MTA1: variants seen among roughly 807,000 people sequenced by gnomAD.
MTA1 encodes the protein metastasis associated 1, also known as metastasis-associated protein MTA1.
Under a neutral mutation model 97.0 loss-of-function variants are expected in MTA1, and 15 were observed. The ratio of observed to expected loss-of-function variants is 0.15; its 90% CI spans 0.10 to 0.24. The LOEUF (loss-of-function observed/expected upper bound fraction) is 0.24. Ranked by LOEUF, MTA1 falls within the 10% of genes least tolerant of loss-of-function variation. MTA1 has a pLI of 1.00. For missense variants in MTA1, 709 were observed against 1,015.1 expected (o/e 0.70, Z 4.10); for synonymous variants, 435 against 417.5 (o/e 1.04, Z -0.51).
rs782473741 is a variant in MTA1, at chr14:105,468,208, C to T, written c.1814-1259C>T. 75 of 980,442 alleles carry T rather than the reference C, an allele frequency of 7.6e-5. No homozygotes were observed. The East Asian group carries it at 9.2e-4, about 12-fold the overall frequency. 60.7% of individuals were successfully genotyped at this position (980,442 alleles called of 1,614,324 possible). On this transcript the variant is annotated intron_variant, in intron 18 of 20. Coordinates refer to ENST00000331320, the MANE Select transcript of MTA1 (RefSeq NM_004689.4). The stretch of plus-strand genomic sequence containing the variant: ...GCCTGCCCACAGCACGGGGCCCCAG[C>T]GCTCTAACCCGGCCATTTGCCCGTG...
At chr14:105,443,817 G>A (rs897936272) in intron 2 of MTA1, among the ~76,000 whole-genome samples, 32 of 152,216 alleles carry the variant, frequency 2.1e-4, no homozygotes, top group Non-Finnish European at 4.1e-4. Flanking sequence ...TTGGCTGGGT[G>A]CGGTGGCTCA....
rs181286274 is a variant in MTA1 at position 105,424,322 on chromosome 14, T to C, written c.28+4259T>C. Among the ~76,000 whole-genome samples, 555 of 151,742 alleles carry C rather than the reference T, an allele frequency of 3.7e-3. 7 individuals are homozygous for C. Among genetic ancestry groups the C allele is most frequent in the African/African-American group, 0.013 (527 of 41,382 alleles). ...CATTCTCCTGCCTCAGCCTCCCAAG[T>C]AGCTGGGACTACAGGCGCCCGCCAC... is the stretch of plus-strand genomic sequence containing the variant. On this transcript the variant is annotated intron_variant, in intron 1 of 20. Coordinates refer to ENST00000331320, the MANE Select transcript of MTA1 (RefSeq NM_004689.4). The surrounding 1 kb of genome is among the most constrained non-coding windows in gnomAD (Gnocchi z 4.0).
In MTA1 at chr14:105,424,537, C is replaced by A. The variant is rs1215826148; in HGVS notation, c.28+4474C>A. Among the ~76,000 whole-genome samples, 1 of 150,162 alleles carries A rather than the reference C, an allele frequency of 6.7e-6. No homozygotes were observed. Among genetic ancestry groups the A allele is most frequent in the Non-Finnish European group, 1.5e-5 (1 of 67,684 alleles). Reference sequence around the variant, plus strand: ...TTTTGAGACAGTCTCACTCTGTCACCCAGGCTGGAGTGCAGTGGCACAATC... The same window carrying A: ...TTTTGAGACAGTCTCACTCTGTCACACAGGCTGGAGTGCAGTGGCACAATC... On this transcript the variant is annotated intron_variant, in intron 1 of 20. Transcript: ENST00000331320. This position sits in a 1 kb window ranked among gnomAD's most constrained non-coding sequence, Gnocchi z 4.0.
At chr14:105,437,963 G>A (rs908303194) in intron 1 of MTA1, among the ~76,000 whole-genome samples, 5 of 152,256 alleles carry the variant, frequency 3.3e-5, no homozygotes, top group Non-Finnish European at 7.3e-5. Flanking sequence ...AGGCTGGAGG[G>A]CCAGATGGTT....
chr14:105,466,952 C>G (rs1230487403), intron 18 of MTA1: 1 of 592,308 alleles, frequency 1.7e-6, no homozygotes, highest in Non-Finnish European at 3.0e-6. Flanking sequence ...CCCTCGGCCC[C>G]CTGGCCCCGC....
intron 8 of MTA1, 48 bp downstream of exon 8, chr14:105,458,420 T>A: frequency 6.5e-7 from 1 of 1,537,298 alleles, no homozygotes; most frequent in Non-Finnish European, 9.0e-7. Context: ...GCCTGGAGCT[T>A]CTGTTCTCCC....
At chr14:105,457,585 C>T (rs919974611) in intron 7 of MTA1, among the ~76,000 whole-genome samples, 12 of 152,266 alleles carry the variant, frequency 7.9e-5, no homozygotes, top group Non-Finnish European at 1.3e-4. Context: ...GCTGCTGTGA[C>T]GTGGCAGGGC....
chr14:105,464,208 G>A (rs1052466154), intron 13 of MTA1, 61 bp downstream of exon 13: 48 of 1,546,070 alleles, frequency 3.1e-5, no homozygotes, highest in African/African-American at 2.1e-4. Flanking sequence ...TGGTGCCTGC[G>A]TTGGCCCTGA....
chr14:105,453,264 C>T (rs1175849658), intron 6 of MTA1, among the ~76,000 whole-genome samples: 1 of 152,282 alleles, frequency 6.6e-6, no homozygotes, highest in Admixed American at 6.5e-5. Context: ...CAGCGGTGGC[C>T]GCTCCTCCAA....
Position 105,447,495 on chromosome 14 carries a change from C to A in MTA1, c.191-1864C>A, listed in dbSNP as rs2082756540. On this transcript the variant is annotated intron_variant, in intron 3 of 20. Transcript: ENST00000331320. The stretch of plus-strand genomic sequence containing the variant: ...GAGGATGGCCTTTTGCTGGAAGAGC[C>A]CCAGAAGGGGACTCCAGACATAACG... 2.0e-5 allele frequency among the ~76,000 whole-genome samples: 3 copies of A among 152,094 alleles called. No homozygotes were observed. The South Asian group carries it at 6.2e-4, about 31-fold the overall frequency.
At chr14:105,445,540 C>T (rs1555426912) in intron 3 of MTA1, 29 bp downstream of exon 3, 1 of 1,611,474 alleles carries the variant, frequency 6.2e-7, no homozygotes, top group East Asian at 2.2e-5. Flanking sequence ...GGGGTGCCCG[C>T]CTGGCGGGAG....
chr14:105,423,289 G>T (rs370487752), intron 1 of MTA1, among the ~76,000 whole-genome samples: 1 of 142,114 alleles, frequency 7.0e-6, no homozygotes, highest in African/African-American at 2.7e-5. Flanking sequence ...GCGCGATTTC[G>T]GCTCACTGCA....
chr14:105,450,165 C>T lies in MTA1; in HGVS notation c.349C>T (p.Leu117=), dbSNP rs781880756. The T allele has an allele frequency of 2.5e-6, 4 of 1,612,912 alleles. No individual in the cohort carries two copies. Among genetic ancestry groups the T allele is most frequent in the Non-Finnish European group, 3.4e-6 (4 of 1,179,896 alleles). The change falls in exon 5 of 21, where the codon CTG becomes TTG. Residue 117 remains leucine, a synonymous_variant. Transcript: ENST00000331320. The part of the protein sequence containing the change: ...ELFLSRQLES[L]PATHIRGKCS... ...GTTCCTCTCCCGGCAGCTGGAGTCT[C>T]TGCCCGCCACGCACATCAGGTAGCC...
intron 3 of MTA1, among the ~76,000 whole-genome samples, chr14:105,448,572 G>A (rs1431254020): frequency 6.6e-6 from 1 of 152,222 alleles, no homozygotes; most frequent in East Asian, 1.9e-4. Flanking sequence ...CCAGAAGTGG[G>A]AGCGAGTGAG....
At chr14:105,435,262 A>G (rs2082296169) in intron 1 of MTA1, among the ~76,000 whole-genome samples, 1 of 152,152 alleles carries the variant, frequency 6.6e-6, no homozygotes, top group African/African-American at 2.4e-5. Context: ...ATGATGAGCT[A>G]CACTGGTTTT....
At position 105,463,681 on chromosome 14, in the gene MTA1, G is replaced by A; in HGVS notation, c.1076+130G>A. 1.1e-6 allele frequency: 1 copy of A among 915,186 alleles called. No homozygotes were observed. The allele number at this position is 915,186 out of a possible 1,614,324, so 56.7% of individuals were successfully genotyped here. A position where few individuals can be genotyped will look rare whatever the true frequency, so the allele number is the denominator to read the frequency against. The stretch of plus-strand genomic sequence containing the variant: ...GCTGGGAAAGTTGGGGCAGCCCCCG[G>A]GAGGGCGGCCCAGGGCTGGGGGGTT... On this transcript the variant is annotated intron_variant, in intron 12 of 20. Transcript: ENST00000331320. The surrounding 1 kb of genome is among the most constrained non-coding windows in gnomAD (Gnocchi z 5.9).
intron 6 of MTA1, among the ~76,000 whole-genome samples, chr14:105,453,429 G>A (rs1555429158): frequency 6.6e-6 from 1 of 152,264 alleles, no homozygotes; most frequent in Admixed American, 6.5e-5. Context: ...AGGATCACTT[G>A]AACCCAGGAG....
At chr14:105,436,596 C>T (rs587745585) in intron 1 of MTA1, among the ~76,000 whole-genome samples, 3 of 152,294 alleles carry the variant, frequency 2.0e-5, no homozygotes, top group Admixed American at 6.5e-5. Context: ...CCACCTCCCC[C>T]GAGAGGGCCT....
At position 105,463,401 on chromosome 14, in the gene MTA1, G is replaced by A. The variant is rs1439306654; in HGVS notation, c.1018-92G>A. Reference sequence around the variant, plus strand: ...CCCTGGCCCGGCTGTCCTCTCCGTGGTGCTCTCCTCTCCGTAGCCTCCAGC... The same window carrying A: ...CCCTGGCCCGGCTGTCCTCTCCGTGATGCTCTCCTCTCCGTAGCCTCCAGC... On this transcript the variant is annotated intron_variant, in intron 11 of 20. Transcript: ENST00000331320. The surrounding 1 kb of genome is among the most constrained non-coding windows in gnomAD (Gnocchi z 5.9). 5.3e-6 allele frequency: 8 copies of A among 1,521,594 alleles called. No homozygotes were observed. The East Asian group carries it at 1.4e-4, about 26-fold the overall frequency. The allele number at this position is 1,521,594 out of a possible 1,614,324, so 94.3% of individuals were successfully genotyped here. A position where few individuals can be genotyped will look rare whatever the true frequency, so the allele number is the denominator to read the frequency against.
Sources: gnomAD v4.1 joint callset for allele counts (sites outside exome capture counted in the v4.1 genomes callset) on GRCh38, gnomAD v4.1.1 for gene constraint, Gnocchi (gnomAD v3.1) non-coding constraint, MANE v1.5 for transcripts, NCBI Gene and HGNC (gene_info 2026-07-23, HGNC 2026-07-21) for gene names.